The following EML1 variants were observed in gnomAD, a reference collection of about 807,000 sequenced individuals.
The protein encoded by EML1 is echinoderm microtubule-associated protein-like 1.
A neutral mutation model predicts 110.4 loss-of-function variants in EML1; 27 were observed. That is an observed-to-expected ratio of 0.24 (90% confidence interval 0.18 to 0.34). The LOEUF (loss-of-function observed/expected upper bound fraction) is 0.34, where lower values mean the gene tolerates loss of function less well. Among genes scored for constraint, EML1 ranks in the 10% least tolerant of loss-of-function variants. The probability of loss-of-function intolerance (pLI) is 1.00; values close to 1 mark genes in which losing one functional copy is unlikely to be tolerated. For missense variants in EML1, 741 were observed against 1,030.9 expected, an observed-to-expected ratio of 0.72 and a Z score of 3.85; for synonymous variants, 344 against 385.8, an observed-to-expected ratio of 0.89 and a Z score of 1.27.
intron 1 of EML1, among the ~76,000 whole-genome samples, chr14:99,817,810 T>C (rs1006123043): frequency 2.0e-5 from 3 of 152,158 alleles, no homozygotes; most frequent in African/African-American, 7.2e-5. Context: ...AGTAAACAGA[T>C]GCTTGCAAAA....
At chr14:99,836,363 T>A in intron 1 of EML1, among the ~76,000 whole-genome samples, 1 of 152,218 alleles carries the variant, frequency 6.6e-6, no homozygotes, top group Admixed American at 6.5e-5. Context: ...GTTGACTTTT[T>A]TGTGTTAACC....
intron 17 of EML1, among the ~76,000 whole-genome samples, chr14:99,928,738 G>A (rs2060313662): frequency 6.6e-6 from 1 of 152,066 alleles, no homozygotes; most frequent in Admixed American, 6.5e-5. Flanking sequence ...ACGTGTCCTC[G>A]AGCTTTAGAA....
chr14:99,872,930 G>A (rs1458514651), intron 3 of EML1, among the ~76,000 whole-genome samples: 1 of 152,104 alleles, frequency 6.6e-6, no homozygotes, highest in Non-Finnish European at 1.5e-5. Flanking sequence ...TGGTGCTTAA[G>A]AACAAAATCC....
intron 17 of EML1, among the ~76,000 whole-genome samples, chr14:99,935,335 A>G (rs1320992242): frequency 6.6e-6 from 1 of 151,886 alleles, no homozygotes; most frequent in African/African-American, 2.4e-5. Context: ...AAATTGGCCA[A>G]GTGTCATGGC....
intron 1 of EML1, among the ~76,000 whole-genome samples, chr14:99,806,752 G>A (rs1471054139): frequency 6.6e-6 from 1 of 152,180 alleles, no homozygotes; most frequent in East Asian, 1.9e-4. Context: ...CCCAAGCACA[G>A]CAACACTGGC....
intron 1 of EML1, among the ~76,000 whole-genome samples, chr14:99,841,110 C>T (rs867730939): frequency 6.6e-6 from 1 of 152,322 alleles, no homozygotes; most frequent in Middle Eastern, 3.4e-3. Context: ...TTGGCCTGTC[C>T]TTTTGCCACT....
At chr14:99,864,459 T>C (rs1448406561) in intron 2 of EML1, among the ~76,000 whole-genome samples, 1 of 152,200 alleles carries the variant, frequency 6.6e-6, no homozygotes, top group African/African-American at 2.4e-5. Flanking sequence ...AAATTTAGGT[T>C]TATGGGCTGT....
intron 3 of EML1, among the ~76,000 whole-genome samples, chr14:99,872,965 G>A (rs538293154): frequency 6.6e-6 from 1 of 152,294 alleles, no homozygotes; most frequent in South Asian, 2.1e-4. Context: ...CCAGTTCCCA[G>A]CGGTTGTGCT....
chr14:99,858,778 G>A (rs560747084), intron 2 of EML1, among the ~76,000 whole-genome samples: 1 of 152,234 alleles, frequency 6.6e-6, no homozygotes, highest in African/African-American at 2.4e-5. Flanking sequence ...AGCAAAAGCA[G>A]GTTGCCTTTT....
chr14:99,740,379 T>TG (rs1410852159), intron 1 of EML1, among the ~76,000 whole-genome samples: 2 of 152,208 alleles, frequency 1.3e-5, no homozygotes, highest in African/African-American at 4.8e-5. Context: ...GGCTATTTTG[T>TG]GGGGCTTTTT....
chr14:99,795,625 A>T (rs2057756652), intron 1 of EML1, among the ~76,000 whole-genome samples: 1 of 152,254 alleles, frequency 6.6e-6, no homozygotes, highest in Admixed American at 6.5e-5. Context: ...TCAGTTAATT[A>T]CTATGATGAT....
chr14:99,878,637 C>G lies in EML1; in HGVS notation c.518+18C>G. The G allele has an allele frequency of 6.2e-7, 1 of 1,609,686 alleles. No homozygotes were observed. The highest frequency in any genetic ancestry group is 8.5e-7 in the Non-Finnish European group (1 of 1,178,010). ...AGTGAAAGGTAAGGACGTCTTATCT[C>G]TCAGTTCCTGCTGTTCAGATATGTT... is the stretch of plus-strand genomic sequence containing the variant. On this transcript the variant is annotated intron_variant, in intron 4 of 21. Coordinates refer to ENST00000262233, the MANE Select transcript of EML1 (RefSeq NM_004434.3).
intron 3 of EML1, among the ~76,000 whole-genome samples, chr14:99,867,778 C>T (rs1397046687): frequency 6.6e-6 from 1 of 152,094 alleles, no homozygotes; most frequent in East Asian, 1.9e-4. Context: ...GATAGTTTTA[C>T]TTTGGATCCT....
intron 17 of EML1, among the ~76,000 whole-genome samples, chr14:99,926,433 C>T (rs565931335): frequency 1.8e-4 from 27 of 151,898 alleles, no homozygotes; most frequent in Non-Finnish European, 3.2e-4. Context: ...TACAGGCTTA[C>T]GCCACCACAC....
At chr14:99,805,153 C>T (rs2057949036) in intron 1 of EML1, among the ~76,000 whole-genome samples, 1 of 152,206 alleles carries the variant, frequency 6.6e-6, no homozygotes, top group Admixed American at 6.5e-5. Flanking sequence ...CCCTTAGGCC[C>T]CAGGCCACGT....
At chr14:99,893,150 G>A (rs2059616248) in intron 5 of EML1, among the ~76,000 whole-genome samples, 1 of 152,210 alleles carries the variant, frequency 6.6e-6, no homozygotes, top group Non-Finnish European at 1.5e-5. Context: ...CCCTGTGGGT[G>A]GCTGTGGCAG....
chr14:99,904,650 A>T (rs181733568), intron 9 of EML1, among the ~76,000 whole-genome samples: 71 of 152,342 alleles, frequency 4.7e-4, no homozygotes, highest in African/African-American at 1.7e-3. Flanking sequence ...CTCATTCCCT[A>T]AGCCAGGAAT....
At chr14:99,742,523 C>G (rs1030809808) in intron 1 of EML1, among the ~76,000 whole-genome samples, 40 of 152,114 alleles carry the variant, frequency 2.6e-4, no homozygotes, top group South Asian at 6.2e-4. Flanking sequence ...AGGAGGGACC[C>G]GGAGGAGGGC....
intron 2 of EML1, among the ~76,000 whole-genome samples, chr14:99,860,960 G>C (rs950376155): frequency 2.0e-5 from 3 of 152,074 alleles, no homozygotes; most frequent in African/African-American, 7.2e-5. Flanking sequence ...CATTGCATCT[G>C]ATTTTCTTTT....
Sources: allele counts gnomAD v4.1 joint callset (sites outside exome capture counted in the v4.1 genomes callset), GRCh38; gene constraint gnomAD v4.1.1; transcripts MANE v1.5; gene names NCBI Gene and HGNC (gene_info 2026-07-23, HGNC 2026-07-21).